ANKRD11: variants seen among roughly 807,000 people sequenced by gnomAD.
ANKRD11 encodes the protein ankyrin repeat domain-containing protein 11.
In ANKRD11, 17 loss-of-function variants were observed where a neutral mutation model predicts 195.7. The ratio of observed to expected loss-of-function variants is 0.09; its 90% CI spans 0.06 to 0.13. The LOEUF (loss-of-function observed/expected upper bound fraction) is 0.13, where lower values mean the gene tolerates loss of function less well. Ranked by LOEUF, ANKRD11 falls within the 10% of genes least tolerant of loss-of-function variation. The probability of loss-of-function intolerance (pLI) is 1.00; values close to 1 mark genes in which losing one functional copy is unlikely to be tolerated. For missense variants in ANKRD11, 3,735 were observed against 3,566.1 expected (o/e 1.05, Z -1.21); for synonymous variants, 1,953 against 1,528.1 (o/e 1.28, Z -6.49).
At chr16:89,416,348 C>G (rs2042311615) in intron 2 of ANKRD11, among the ~76,000 whole-genome samples, 1 of 151,944 alleles carries the variant, frequency 6.6e-6, no homozygotes, top group Admixed American at 6.6e-5. Context: ...CGCCCAGGCT[C>G]AAGTGCGGTG....
chr16:89,476,650 G>A (rs1210335021), intron 1 of ANKRD11, among the ~76,000 whole-genome samples: 1 of 152,134 alleles, frequency 6.6e-6, no homozygotes, highest in African/African-American at 2.4e-5. Flanking sequence ...GCAGGCACTA[G>A]CCTGCCAAAA....
chr16:89,382,400 A>G (rs941695486), intron 2 of ANKRD11, among the ~76,000 whole-genome samples: 9 of 152,170 alleles, frequency 5.9e-5, no homozygotes, highest in Admixed American at 5.9e-4. Context: ...ATCTCGGCTC[A>G]CTGCCACCTC....
In ANKRD11 at chr16:89,280,409, G is replaced by C; in HGVS notation, c.6133C>G (p.Pro2045Ala). ...EDVKDGVDAVPAAISTSEAAP... is the reference protein window; with the variant it reads ...EDVKDGVDAVAAAISTSEAAP... Reference sequence around the variant, plus strand: ...GCCTCTGAGGTGGAGATGGCGGCGGGGACGGCGTCCACTCCGTCCTTGACG... The same window carrying C: ...GCCTCTGAGGTGGAGATGGCGGCGGCGACGGCGTCCACTCCGTCCTTGACG... Residue 2045 changes from proline to alanine, a missense_variant, in exon 9 of 13, where the codon CCC becomes GCC. By Grantham distance (27) the Pro-to-Ala change is conservative. Coordinates refer to ENST00000301030, the MANE Select transcript of ANKRD11 (RefSeq NM_013275.6). 1 of 1,563,136 alleles carries C rather than the reference G, an allele frequency of 6.4e-7. No individual in the cohort carries two copies. Among genetic ancestry groups the C allele is most frequent in the Non-Finnish European group, 8.7e-7 (1 of 1,154,784 alleles).
intron 2 of ANKRD11, among the ~76,000 whole-genome samples, chr16:89,338,354 T>C (rs1029416863): frequency 1.3e-5 from 2 of 148,512 alleles, no homozygotes; most frequent in African/African-American, 2.5e-5. Context: ...AAATACTGAC[T>C]ACCTGCAAAA....
At chr16:89,289,949 G>C (rs1393112035) in intron 6 of ANKRD11, among the ~76,000 whole-genome samples, 19 of 152,238 alleles carry the variant, frequency 1.2e-4, no homozygotes, top group Non-Finnish European at 2.4e-4. Context: ...AACATCGCTT[G>C]AGCCCAGGAG....
Position 89,283,068 on chromosome 16 carries a change from G to C in ANKRD11, c.3474C>G (p.Ala1158=). Reference sequence around the variant, plus strand: ...ACTTCCTGTGTCTGTCGGAGGCATAGGCCTCCCGTCCTTCCTCCTTCTCCT... The same window carrying C: ...ACTTCCTGTGTCTGTCGGAGGCATACGCCTCCCGTCCTTCCTCCTTCTCCT... The part of the protein sequence containing the change: ...GLQEKEEGRE[A]YASDRHRKSS... Residue 1158 remains alanine, a synonymous_variant, in exon 9 of 13, where the codon GCC becomes GCG. Coordinates refer to ENST00000301030, the MANE Select transcript of ANKRD11 (RefSeq NM_013275.6). The surrounding 1 kb of genome is among the most constrained non-coding windows in gnomAD (Gnocchi z 4.3). 1.9e-6 allele frequency: 3 copies of C among 1,613,888 alleles called. No individual in the cohort carries two copies. Among genetic ancestry groups the C allele is most frequent in the South Asian group, 1.1e-5 (1 of 91,078 alleles).
chr16:89,304,952 G>C, intron 4 of ANKRD11: 1 of 560,024 alleles, frequency 1.8e-6, no homozygotes, highest in Non-Finnish European at 3.1e-6. Context: ...GACATGCACC[G>C]GGTGCATCTC....
intron 2 of ANKRD11, among the ~76,000 whole-genome samples, chr16:89,330,404 G>C (rs145547844): frequency 6.6e-6 from 1 of 152,172 alleles, no homozygotes; most frequent in East Asian, 1.9e-4. Context: ...GTGGCCGCTC[G>C]CACACCGGGA....
chr16:89,322,339 G>A (rs1053783745), intron 2 of ANKRD11, among the ~76,000 whole-genome samples: 4 of 152,226 alleles, frequency 2.6e-5, no homozygotes, highest in African/African-American at 7.2e-5. Flanking sequence ...TGATAGAACA[G>A]GCCTTTACGT....
intron 2 of ANKRD11, chr16:89,392,574 A>G (rs1294481644): frequency 1.3e-5 from 2 of 151,846 alleles, no homozygotes; most frequent in African/African-American, 2.4e-5. Flanking sequence ...CAGTTCAAGA[A>G]CATGGTCGTG....
At chr16:89,438,049 C>A (rs568580294) in intron 1 of ANKRD11, among the ~76,000 whole-genome samples, 110 of 152,310 alleles carry the variant, frequency 7.2e-4, no homozygotes, top group Non-Finnish European at 1.2e-3. Flanking sequence ...ACCATGAAGG[C>A]AAGTGGCAGT....
At chr16:89,408,931 G>C (rs1411249791) in intron 2 of ANKRD11, among the ~76,000 whole-genome samples, 3 of 152,218 alleles carry the variant, frequency 2.0e-5, no homozygotes, top group Non-Finnish European at 4.4e-5. Context: ...GGAAATACAA[G>C]TGAACAGGCC....
chr16:89,412,071 G>A (rs540066339), intron 2 of ANKRD11, among the ~76,000 whole-genome samples: 5 of 82,124 alleles, frequency 6.1e-5, no homozygotes, highest in African/African-American at 1.6e-4. Flanking sequence ...TCTCCTGGCC[G>A]TGCCCCATCC....
rs757540026 is a variant in ANKRD11, at chr16:89,280,439, C to G, written c.6103G>C (p.Glu2035Gln). Reference protein sequence around the residue: ...YALPVAEPGLEDVKDGVDAVP... With the variant: ...YALPVAEPGLQDVKDGVDAVP... ...GCGTCCACTCCGTCCTTGACGTCCT[C>G]CAGCCCCGGCTCAGCGACGGGCAGA... Residue 2035 changes from glutamate to glutamine, a missense_variant, in exon 9 of 13, where the codon GAG becomes CAG. Physicochemically the swap from Glu to Gln is conservative, Grantham distance 29. Coordinates refer to ENST00000301030, the MANE Select transcript of ANKRD11 (RefSeq NM_013275.6). 1.3e-6 allele frequency: 2 copies of G among 1,582,990 alleles called. No homozygotes were observed. Among genetic ancestry groups the G allele is most frequent in the South Asian group, 2.3e-5 (2 of 88,224 alleles).
chr16:89,444,781 T>C (rs966077045), intron 1 of ANKRD11, among the ~76,000 whole-genome samples: 9 of 151,864 alleles, frequency 5.9e-5, no homozygotes, highest in African/African-American at 2.2e-4. Context: ...CCGTCTCTGT[T>C]ATAAATAAAT....
At chr16:89,462,667 C>T (rs1034438689) in intron 1 of ANKRD11, among the ~76,000 whole-genome samples, 2 of 151,374 alleles carry the variant, frequency 1.3e-5, no homozygotes, top group East Asian at 1.9e-4. Context: ...AAGTGAGGAG[C>T]GTCTCTGCCC....
intron 2 of ANKRD11, among the ~76,000 whole-genome samples, chr16:89,365,904 T>C (rs1424253116): frequency 2.0e-5 from 3 of 152,022 alleles, no homozygotes; most frequent in African/African-American, 7.3e-5. Flanking sequence ...CTGGTCCCTC[T>C]CTGTGTCCAC....
chr16:89,325,872 A>G (rs2037684387), intron 2 of ANKRD11, among the ~76,000 whole-genome samples: 1 of 152,190 alleles, frequency 6.6e-6, no homozygotes. Flanking sequence ...GGAGGGCCCC[A>G]TCGCCCTGCT....
At chr16:89,355,032 A>G (rs1171593541) in intron 2 of ANKRD11, among the ~76,000 whole-genome samples, 1 of 152,230 alleles carries the variant, frequency 6.6e-6, no homozygotes, top group East Asian at 1.9e-4. Flanking sequence ...AGATGCAGGA[A>G]GGAAACGCCA....
Sources: allele counts gnomAD v4.1 joint callset (sites outside exome capture counted in the v4.1 genomes callset), GRCh38; gene constraint gnomAD v4.1.1; non-coding constraint Gnocchi (gnomAD v3.1); transcripts MANE v1.5; gene names NCBI Gene and HGNC (gene_info 2026-07-23, HGNC 2026-07-21).